The following C8orf34 variants were observed in gnomAD, a reference collection of about 807,000 sequenced individuals.
The protein encoded by C8orf34 is chromosome 8 open reading frame 34.
C8orf34 carries 65 observed loss-of-function variants against 68.3 expected under a neutral mutation model. The ratio of observed to expected loss-of-function variants is 0.95; its 90% CI spans 0.78 to 1.17. The LOEUF (loss-of-function observed/expected upper bound fraction) is 1.17, where lower values mean the gene tolerates loss of function less well. Ranked by LOEUF, C8orf34 falls within the 50% of genes most tolerant of loss-of-function variation. C8orf34 has a pLI of 0.00. For missense variants in C8orf34, 664 were observed against 655.4 expected, an observed-to-expected ratio of 1.01 and a Z score of -0.14; for synonymous variants, 244 against 241.2, an observed-to-expected ratio of 1.01 and a Z score of -0.11.
chr8:68,613,309 A>G (rs1422694715), intron 7 of C8orf34, among the ~76,000 whole-genome samples: 9 of 151,850 alleles, frequency 5.9e-5, no homozygotes, highest in African/African-American at 2.2e-4. Context: ...TTATTTTATT[A>G]TACTTTAAGT....
At chr8:68,574,131 C>T (rs2130290002) in intron 7 of C8orf34, among the ~76,000 whole-genome samples, 2 of 152,206 alleles carry the variant, frequency 1.3e-5, no homozygotes, top group East Asian at 3.9e-4. Flanking sequence ...CTTAGTCTAT[C>T]AGATCTTTTT....
intron 1 of C8orf34, among the ~76,000 whole-genome samples, chr8:68,419,043 C>T (rs1456812494): frequency 6.6e-6 from 1 of 150,610 alleles, no homozygotes; most frequent in Non-Finnish European, 1.5e-5. Context: ...AGTGAACAGG[C>T]AACCTACAAA....
intron 8 of C8orf34, among the ~76,000 whole-genome samples, chr8:68,657,904 T>C (rs1217711766): frequency 6.6e-6 from 1 of 152,242 alleles, no homozygotes; most frequent in African/African-American, 2.4e-5. Flanking sequence ...GCAGTTTTCC[T>C]GGCTCGATGG....
At chr8:68,483,343 T>C (rs546207879) in intron 4 of C8orf34, among the ~76,000 whole-genome samples, 3 of 152,318 alleles carry the variant, frequency 2.0e-5, no homozygotes, top group East Asian at 3.9e-4. Context: ...AGAAAGAGGC[T>C]GCAAGTTGAA....
intron 7 of C8orf34, among the ~76,000 whole-genome samples, chr8:68,563,052 AC>A (rs1816482143): frequency 6.6e-6 from 1 of 152,162 alleles, no homozygotes; most frequent in Non-Finnish European, 1.5e-5. Flanking sequence ...ATGTGAATGC[AC>A]CATCTCAGGC....
At chr8:68,620,463 T>A (rs1818354339) in intron 7 of C8orf34, among the ~76,000 whole-genome samples, 1 of 152,066 alleles carries the variant, frequency 6.6e-6, no homozygotes, top group African/African-American at 2.4e-5. Flanking sequence ...AGAGCTGTAT[T>A]ACCAGAGTGA....
At chr8:68,614,647 T>C (rs979952215) in intron 7 of C8orf34, among the ~76,000 whole-genome samples, 17 of 152,298 alleles carry the variant, frequency 1.1e-4, no homozygotes, top group East Asian at 7.7e-4. Flanking sequence ...CATTGATCTA[T>C]ATCTCTGTTT....
chr8:68,513,542 C>T (rs527656558), intron 5 of C8orf34, among the ~76,000 whole-genome samples: 12 of 152,056 alleles, frequency 7.9e-5, no homozygotes, highest in African/African-American at 9.7e-5. Context: ...ACTTGTGGGG[C>T]CTGGCCTAGT....
At chr8:68,384,945 A>G (rs1392357818) in intron 1 of C8orf34, among the ~76,000 whole-genome samples, 1 of 152,206 alleles carries the variant, frequency 6.6e-6, no homozygotes, top group African/African-American at 2.4e-5. Context: ...AACTTTACAC[A>G]CCAGAAAATA....
intron 5 of C8orf34, among the ~76,000 whole-genome samples, chr8:68,497,726 A>G (rs1354809269): frequency 6.6e-6 from 1 of 152,178 alleles, no homozygotes; most frequent in East Asian, 1.9e-4. Flanking sequence ...CTGGGATAAT[A>G]TATTGCTAAA....
chr8:68,633,241 G>A (rs1818743199), intron 7 of C8orf34, among the ~76,000 whole-genome samples: 1 of 152,054 alleles, frequency 6.6e-6, no homozygotes, highest in Non-Finnish European at 1.5e-5. Flanking sequence ...TATAATCAAT[G>A]CAATTCTTAG....
intron 5 of C8orf34, among the ~76,000 whole-genome samples, chr8:68,515,803 C>G (rs542912718): frequency 2.8e-4 from 43 of 152,294 alleles, no homozygotes; most frequent in Middle Eastern, 6.8e-3. Flanking sequence ...ATACTCTTTT[C>G]AACAGCTGAT....
At chr8:68,560,836 T>G (rs1816401434) in intron 7 of C8orf34, among the ~76,000 whole-genome samples, 1 of 152,130 alleles carries the variant, frequency 6.6e-6, no homozygotes. Context: ...GCCTAGGACA[T>G]CACTGTACAC....
At chr8:68,639,352 C>T (rs1480148223) in intron 7 of C8orf34, among the ~76,000 whole-genome samples, 1 of 152,082 alleles carries the variant, frequency 6.6e-6, no homozygotes, top group South Asian at 2.1e-4. Flanking sequence ...GTTGACAAGG[C>T]TTCTTCAGAT....
intron 7 of C8orf34, among the ~76,000 whole-genome samples, chr8:68,616,868 G>A (rs1818234915): frequency 6.6e-6 from 1 of 152,136 alleles, no homozygotes; most frequent in Non-Finnish European, 1.5e-5. Context: ...TCATTGATCT[G>A]TCTAATGTTG....
chr8:68,759,004 A>G (rs1290254777), intron 10 of C8orf34, among the ~76,000 whole-genome samples: 1 of 152,088 alleles, frequency 6.6e-6, no homozygotes, highest in East Asian at 1.9e-4. Flanking sequence ...AGCTTTAACT[A>G]TTTGCATTTC....
intron 7 of C8orf34, among the ~76,000 whole-genome samples, chr8:68,614,650 C>G (rs2130586734): frequency 6.6e-6 from 1 of 152,184 alleles, no homozygotes; most frequent in Non-Finnish European, 1.5e-5. Flanking sequence ...TGATCTATAT[C>G]TCTGTTTTTG....
intron 10 of C8orf34, among the ~76,000 whole-genome samples, chr8:68,748,620 A>G (rs1443910870): frequency 6.6e-6 from 1 of 152,242 alleles, no homozygotes; most frequent in Non-Finnish European, 1.5e-5. Context: ...TATGCAGCCA[A>G]AAAACACATG....
rs185800562 is a variant in C8orf34, at chr8:68,798,054, A to C, written c.1549+10518A>C. On this transcript the variant is annotated intron_variant, in intron 12 of 13. Coordinates refer to ENST00000518698, the MANE Select transcript of C8orf34 (RefSeq NM_052958.4). ...AATGAGCTCTTAAAGAAAAAAAGAC[A>C]AAACTTTCTAGTAGTCTGTAGTAGG... Among the ~76,000 whole-genome samples, 149 of 152,318 alleles carry C rather than the reference A, an allele frequency of 9.8e-4. 1 individual carries two copies. In the Middle Eastern group the frequency reaches 0.024, roughly 24 times the overall value.
Sources: allele counts gnomAD v4.1 joint callset (sites outside exome capture counted in the v4.1 genomes callset), GRCh38; gene constraint gnomAD v4.1.1; transcripts MANE v1.5; gene names NCBI Gene and HGNC (gene_info 2026-07-23, HGNC 2026-07-21).